The following SOAT2 variants were observed in gnomAD, a reference collection of about 807,000 sequenced individuals.
SOAT2 encodes ACAT-2.
In SOAT2, 87 loss-of-function variants were observed where a neutral mutation model predicts 76.0. That is an observed-to-expected ratio of 1.14 (90% confidence interval 0.96 to 1.37). The LOEUF (loss-of-function observed/expected upper bound fraction) is 1.37. Ranked by LOEUF, SOAT2 falls within the 40% of genes most tolerant of loss-of-function variation. SOAT2 has a pLI of 0.00. For synonymous variants in SOAT2, 285 were observed against 275.4 expected (o/e 1.03, Z -0.34); for missense variants, 686 against 682.1 (o/e 1.01, Z -0.06).
In SOAT2 at chr12:53,123,225, G is replaced by T; in HGVS notation, c.1372+9G>T. On this transcript the variant is annotated intron_variant, in intron 13 of 14. Transcript: ENST00000301466. The stretch of plus-strand genomic sequence containing the variant: ...CTTCCTTGTCATTGGAGGTGAGCTG[G>T]TCTCTGTGCCACTGGAAGGGAGCCA... The T allele has an allele frequency of 1.9e-6, 3 of 1,613,656 alleles. No individual in the cohort carries two copies. Among genetic ancestry groups the T allele is most frequent in the South Asian group, 2.2e-5 (2 of 91,082 alleles).
At chr12:53,117,250 C>T (rs904824725) in intron 7 of SOAT2, among the ~76,000 whole-genome samples, 10 of 150,234 alleles carry the variant, frequency 6.7e-5, no homozygotes, top group Non-Finnish European at 1.2e-4. Flanking sequence ...CATGAGCCAC[C>T]GCGCCCGGCC....
intron 10 of SOAT2, among the ~76,000 whole-genome samples, chr12:53,120,343 T>C (rs535309813): frequency 2.3e-4 from 35 of 151,774 alleles, no homozygotes; most frequent in South Asian, 1.7e-3. Context: ...GTGGCGGGCG[T>C]CTGTAGTCCC....
intron 7 of SOAT2, among the ~76,000 whole-genome samples, chr12:53,117,640 T>C (rs531294229): frequency 6.6e-6 from 1 of 152,102 alleles, no homozygotes; most frequent in Admixed American, 6.5e-5. Flanking sequence ...AGGGTGGACC[T>C]GTGACTCATG....
intron 5 of SOAT2, among the ~76,000 whole-genome samples, chr12:53,111,228 C>T (rs1938006722): frequency 6.6e-6 from 1 of 151,968 alleles, no homozygotes; most frequent in East Asian, 1.9e-4. Context: ...GCCTCAGCCT[C>T]CTGAGTAGCT....
At chr12:53,118,761 C>T (rs576868344) in intron 8 of SOAT2, 129 bp from the exon 9 acceptor site, 72 of 989,718 alleles carry the variant, frequency 7.3e-5, no homozygotes, top group Non-Finnish European at 1.1e-4. Flanking sequence ...GACCCCACCA[C>T]CCTAGATAAT....
At chr12:53,108,318 G>A (rs1406516958) in intron 5 of SOAT2, among the ~76,000 whole-genome samples, 2 of 152,154 alleles carry the variant, frequency 1.3e-5, no homozygotes, top group African/African-American at 4.8e-5. Context: ...GGCTTTATTG[G>A]CTTCATAAGT....
In SOAT2 at chr12:53,121,355, T is replaced by C; in HGVS notation, c.1190T>C (p.Val397Ala). Residue 397 changes from valine to alanine, a missense_variant, in exon 12 of 15, where the codon GTG becomes GCG. Coordinates refer to ENST00000301466, the MANE Select transcript of SOAT2 (RefSeq NM_003578.4). The part of the protein sequence containing the change: ...FSNYYRTWNV[V>A]VHDWLYSYVY... ...AACTACTACCGCACTTGGAACGTGG[T>C]GGTCCATGACTGGCTGTACAGCTAC... 6.2e-7 allele frequency: 1 copy of C among 1,614,154 alleles called. No individual in the cohort carries two copies. Among genetic ancestry groups the C allele is most frequent in the African/African-American group, 1.3e-5 (1 of 75,042 alleles).
At chr12:53,107,622 CTTT>C (rs1303838303) in intron 5 of SOAT2, among the ~76,000 whole-genome samples, 5 of 117,006 alleles carry the variant, frequency 4.3e-5, no homozygotes, top group Admixed American at 8.1e-5. Flanking sequence ...AACAGATGTA[CTTT>C]TTTTTTTTTT....
At chr12:53,118,479 A>G in intron 8 of SOAT2, 45 bp downstream of exon 8, 5 of 1,430,994 alleles carry the variant, frequency 3.5e-6, no homozygotes, top group Non-Finnish European at 4.9e-6. Flanking sequence ...CCCATCAGGA[A>G]ACTTACCCTT....
intron 5 of SOAT2, 117 bp from the exon 6 acceptor site, chr12:53,115,273 G>A: frequency 8.4e-7 from 1 of 1,186,930 alleles, no homozygotes; most frequent in South Asian, 1.5e-5. Flanking sequence ...TCCAGAGATG[G>A]GGAGCTCACA....
At chr12:53,105,813 G>A (rs1461033926) in intron 4 of SOAT2, 94 bp from the exon 5 acceptor site, 12 of 1,117,428 alleles carry the variant, frequency 1.1e-5, no homozygotes, top group East Asian at 7.1e-5. Context: ...GTTCTGGATC[G>A]CTAGGCCCCA....
At position 53,119,266 on chromosome 12, in the gene SOAT2, AG is replaced by A; in HGVS notation, c.1039+15del. On this transcript the variant is annotated intron_variant, in intron 10 of 14. Coordinates refer to ENST00000301466, the MANE Select transcript of SOAT2 (RefSeq NM_003578.4). ...GCCACGTTGCCAGGTGAGCCAACTA[AG>A]GTAGGGCTAGAGCAGCTGTGCCCTG... The A allele has an allele frequency of 1.2e-6, 2 of 1,613,636 alleles. No homozygotes were observed. Among genetic ancestry groups the A allele is most frequent in the Non-Finnish European group, 1.7e-6 (2 of 1,179,794 alleles).
chr12:53,115,473 C>T lies in SOAT2; in HGVS notation c.527C>T (p.Ser176Phe). Residue 176 changes from serine (S) to phenylalanine (F), a missense_variant, in exon 6 of 15, where the codon TCC becomes TTC. Ser to Phe is a radical substitution (Grantham distance 155, BLOSUM62 -2). Transcript: ENST00000301466. ...ALVTWVPMFLSTLLAPYQALR... is the reference protein window; with the variant it reads ...ALVTWVPMFLFTLLAPYQALR... Reference sequence around the variant, plus strand: ...GTGACCTGGGTGCCCATGTTTCTGTCCACCCTGTTGGCGCCGTACCAGGCC... The same window carrying T: ...GTGACCTGGGTGCCCATGTTTCTGTTCACCCTGTTGGCGCCGTACCAGGCC... The T allele has an allele frequency of 6.2e-7, 1 of 1,612,274 alleles. No individual in the cohort carries two copies. The highest frequency in any genetic ancestry group is 1.1e-5 in the South Asian group (1 of 91,044).
intron 5 of SOAT2, among the ~76,000 whole-genome samples, chr12:53,112,170 C>T (rs999805505): frequency 2.0e-4 from 31 of 152,044 alleles, no homozygotes; most frequent in African/African-American, 7.5e-4. Context: ...CTTAAAAACC[C>T]CAGAGTAGCT....
intron 6 of SOAT2, 111 bp from the exon 7 acceptor site, chr12:53,115,986 G>A (rs1430244512): frequency 2.1e-6 from 2 of 947,130 alleles, no homozygotes; most frequent in South Asian, 1.4e-5. Context: ...GCTCTGACCA[G>A]ACAGATCTTA....
intron 7 of SOAT2, among the ~76,000 whole-genome samples, 172 bp from the exon 8 acceptor site, chr12:53,118,178 A>G (rs1938133646): frequency 1.3e-5 from 2 of 151,700 alleles, no homozygotes; most frequent in African/African-American, 4.9e-5. Flanking sequence ...GCTCCTGCCC[A>G]GCTTAGCTCC....
chr12:53,122,206 CTTTTTTTT>C (rs55672871), intron 12 of SOAT2, among the ~76,000 whole-genome samples: 1 of 111,130 alleles, frequency 9.0e-6, no homozygotes, highest in Non-Finnish European at 1.9e-5. Flanking sequence ...GGTGGGGGCT[CTTTTTTTT>C]TTTTTTTTTT....
chr12:53,118,000 G>A (rs1293648921), intron 7 of SOAT2, among the ~76,000 whole-genome samples: 1 of 152,162 alleles, frequency 6.6e-6, no homozygotes, highest in Non-Finnish European at 1.5e-5. Flanking sequence ...TCTGGGAAGT[G>A]CAGTAAAATA....
intron 11 of SOAT2, 53 bp downstream of exon 11, chr12:53,120,936 G>A: frequency 2.2e-6 from 3 of 1,356,860 alleles, no homozygotes; most frequent in Non-Finnish European, 3.2e-6. Flanking sequence ...GGGTTAGGGA[G>A]GGATCTGGGG....
Sources: gnomAD v4.1 joint callset for allele counts (sites outside exome capture counted in the v4.1 genomes callset) on GRCh38, gnomAD v4.1.1 for gene constraint, MANE v1.5 for transcripts, NCBI Gene and HGNC (gene_info 2026-07-23, HGNC 2026-07-21) for gene names.